The following PHKB variants were observed in gnomAD, a reference collection of about 807,000 sequenced individuals.
PHKB encodes phosphorylase kinase regulatory subunit beta, also known as phosphorylase b kinase regulatory subunit beta.
PHKB carries 122 observed loss-of-function variants against 152.1 expected under a neutral mutation model. The ratio of observed to expected loss-of-function variants is 0.80; its 90% CI spans 0.69 to 0.93. The LOEUF is 0.93. PHKB is among the 40% of genes least tolerant of loss of function. The pLI, the probability that PHKB is intolerant of heterozygous loss-of-function variation, is 0.00. For missense variants in PHKB, 1,304 were observed against 1,328.4 expected (o/e 0.98, Z 0.29); for synonymous variants, 436 against 464.9 (o/e 0.94, Z 0.80).
intron 7 of PHKB, chr16:47,565,614 G>C: frequency 9.4e-7 from 1 of 1,062,716 alleles, no homozygotes; most frequent in Non-Finnish European, 1.5e-6. Context: ...ATTTCTGCCG[G>C]ATGTGGCAGA....
chr16:47,480,429 T>G (rs1427662737), intron 1 of PHKB, among the ~76,000 whole-genome samples: 1 of 152,202 alleles, frequency 6.6e-6, no homozygotes, highest in Non-Finnish European at 1.5e-5. Context: ...AAACACTGGC[T>G]TTAGAAGTTC....
At chr16:47,537,902 C>CTCTTTT (rs71380327) in intron 6 of PHKB, among the ~76,000 whole-genome samples, 3 of 149,232 alleles carry the variant, frequency 2.0e-5, no homozygotes, top group African/African-American at 7.6e-5. Context: ...CTCTCTCTCT[C>CTCTTTT]TTTTTAAGTT....
chr16:47,566,548 T>A, intron 7 of PHKB: 1 of 1,589,606 alleles, frequency 6.3e-7, no homozygotes, highest in Non-Finnish European at 8.6e-7. Flanking sequence ...TTTAGTCCTC[T>A]AAAGAATTCT....
chr16:47,490,709 TTGAC>T (rs1474140548), intron 1 of PHKB, among the ~76,000 whole-genome samples: 2 of 152,226 alleles, frequency 1.3e-5, no homozygotes, highest in African/African-American at 2.4e-5. Flanking sequence ...CATAAATTAT[TTGAC>T]TGAGAAATTT....
chr16:47,656,112 G>A (rs1193709718), intron 20 of PHKB, among the ~76,000 whole-genome samples: 1 of 151,914 alleles, frequency 6.6e-6, no homozygotes, highest in East Asian at 1.9e-4. Context: ...CACCTCCCAG[G>A]TTCAAGCGAT....
chr16:47,492,895 G>T (rs1970174106), intron 1 of PHKB, among the ~76,000 whole-genome samples: 1 of 152,202 alleles, frequency 6.6e-6, no homozygotes, highest in Non-Finnish European at 1.5e-5. Context: ...ACCTAAAAAT[G>T]GGGTCCTTGT....
At chr16:47,616,534 A>G (rs893143262) in intron 14 of PHKB, among the ~76,000 whole-genome samples, 1 of 139,078 alleles carries the variant, frequency 7.2e-6, no homozygotes, top group South Asian at 2.1e-4. Flanking sequence ...TTTATAATAT[A>G]TAAATATAAA....
At chr16:47,606,965 TA>T (rs946546426) in intron 13 of PHKB, among the ~76,000 whole-genome samples, 2 of 152,194 alleles carry the variant, frequency 1.3e-5, no homozygotes, top group Non-Finnish European at 2.9e-5. Context: ...TCCATTTTTA[TA>T]GTGCAACAGC....
chr16:47,517,520 G>A (rs1597049296), intron 6 of PHKB, among the ~76,000 whole-genome samples: 1 of 152,214 alleles, frequency 6.6e-6, no homozygotes, highest in African/African-American at 2.4e-5. Context: ...GTCTCCTAAA[G>A]TACTGGGATT....
At chr16:47,558,730 G>A (rs1288705705) in intron 7 of PHKB, among the ~76,000 whole-genome samples, 1 of 152,206 alleles carries the variant, frequency 6.6e-6, no homozygotes, top group Non-Finnish European at 1.5e-5. Context: ...TGTATTTGTA[G>A]TAGAGACAGG....
chr16:47,558,289 G>A (rs1259884526), intron 7 of PHKB, among the ~76,000 whole-genome samples: 3 of 151,154 alleles, frequency 2.0e-5, no homozygotes, highest in Admixed American at 2.0e-4. Context: ...GCTAAATGAC[G>A]AGTTAATGGG....
intron 1 of PHKB, among the ~76,000 whole-genome samples, chr16:47,469,971 A>G (rs895383731): frequency 1.3e-5 from 2 of 152,224 alleles, no homozygotes; most frequent in African/African-American, 4.8e-5. Context: ...TCATGCTATG[A>G]TGACAGCAGT....
Position 47,497,485 on chromosome 16 carries a change from A to T in PHKB, c.163A>T (p.Ile55Phe). The T allele has an allele frequency of 6.3e-7, 1 of 1,586,740 alleles. No homozygotes were observed. The highest frequency in any genetic ancestry group is 8.6e-7 in the Non-Finnish European group (1 of 1,157,096). ...GGATAAGTTGGACCATTATTACAGA[A>T]TTGGTGAGTAAAACCTGAGGAAAAC... ...LWDKLDHYYR[I>F]VKSTLLLYQS... Residue 55 changes from isoleucine to phenylalanine, a missense_variant, in exon 2 of 31, where the codon ATT becomes TTT. Physicochemically the swap from Ile to Phe is conservative, Grantham distance 21. Coordinates refer to ENST00000323584, the MANE Select transcript of PHKB (RefSeq NM_000293.3).
chr16:47,516,059 C>A (rs1970591435), intron 6 of PHKB, among the ~76,000 whole-genome samples: 1 of 151,762 alleles, frequency 6.6e-6, no homozygotes, highest in Non-Finnish European at 1.5e-5. Context: ...TCCAAAGTAT[C>A]TGGGATTATA....
chr16:47,573,054 C>T (rs970784403), intron 7 of PHKB, among the ~76,000 whole-genome samples: 20 of 152,258 alleles, frequency 1.3e-4, no homozygotes, highest in Admixed American at 1.3e-3. Flanking sequence ...CAAGTACCTT[C>T]AACCCTTGTG....
chr16:47,684,979 C>G (rs368711112), intron 26 of PHKB, among the ~76,000 whole-genome samples: 2 of 152,186 alleles, frequency 1.3e-5, no homozygotes, highest in Admixed American at 1.3e-4. Context: ...GCATCTCTGG[C>G]TCTTACACAG....
At position 47,524,948 on chromosome 16, in the gene PHKB, T is replaced by A. The variant is rs183994497; in HGVS notation, c.594+9347T>A. ...TTTTAAAAATCTTTTAAAATTTTTT[T>A]AAAAATTCTTTTATGGGAATTTTTA... is the stretch of plus-strand genomic sequence containing the variant. On this transcript the variant is annotated intron_variant, in intron 6 of 30. Transcript: ENST00000323584. Among the ~76,000 whole-genome samples the A allele has an allele frequency of 4.4e-3, 677 of 152,348 alleles. 8 individuals carry two copies. The highest frequency in any genetic ancestry group is 0.015 in the African/African-American group (605 of 41,578).
chr16:47,601,563 GC>G (rs1414305113), intron 13 of PHKB, among the ~76,000 whole-genome samples: 2 of 152,046 alleles, frequency 1.3e-5, no homozygotes, highest in Non-Finnish European at 2.9e-5. Context: ...AAATTAGCCA[GC>G]CATGATGGCA....
At chr16:47,696,873 T>A (rs1974157676) in intron 29 of PHKB, among the ~76,000 whole-genome samples, 1 of 152,226 alleles carries the variant, frequency 6.6e-6, no homozygotes, top group Non-Finnish European at 1.5e-5. Context: ...ACAACTATTG[T>A]AGAAAGTTTC....
Sources: allele counts gnomAD v4.1 joint callset (sites outside exome capture counted in the v4.1 genomes callset), GRCh38; gene constraint gnomAD v4.1.1; transcripts MANE v1.5; gene names NCBI Gene and HGNC (gene_info 2026-07-23, HGNC 2026-07-21).